The following RBFOX1 variants were observed in gnomAD, a reference collection of about 807,000 sequenced individuals.
The protein encoded by RBFOX1 is RNA binding fox-1 homolog 1.
Under a neutral mutation model 57.7 loss-of-function variants are expected in RBFOX1, and 8 were observed. The observed-to-expected ratio is 0.14, with a 90% confidence interval of 0.08 to 0.25. The LOEUF is 0.25. Among genes scored for constraint, RBFOX1 ranks in the 10% least tolerant of loss-of-function variants. The pLI is 1.00. For synonymous variants in RBFOX1, 326 were observed against 222.4 expected, an observed-to-expected ratio of 1.47 and a Z score of -4.15; for missense variants, 611 against 548.5, an observed-to-expected ratio of 1.11 and a Z score of -1.14.
At chr16:7,671,930 G>A (rs1001465048) in intron 13 of RBFOX1, among the ~76,000 whole-genome samples, 4 of 152,150 alleles carry the variant, frequency 2.6e-5, no homozygotes, top group Non-Finnish European at 5.9e-5. Context: ...TAATTTTTTA[G>A]TTTAAAAGCT....
chr16:6,012,556 C>T (rs1403628269), intron 4 of RBFOX1, among the ~76,000 whole-genome samples: 1 of 152,176 alleles, frequency 6.6e-6, no homozygotes, highest in East Asian at 1.9e-4. Flanking sequence ...GGTTATTTGG[C>T]TCAAAATGTC....
In RBFOX1 at chr16:6,827,984, G is replaced by T. The variant is rs553086968; in HGVS notation, c.-16+173334G>T. Among the ~76,000 whole-genome samples the T allele has an allele frequency of 4.6e-5, 7 of 152,300 alleles. No homozygotes were observed. The South Asian group carries it at 1.2e-3, about 27-fold the overall frequency. On this transcript the variant is annotated intron_variant, in intron 3 of 15. Coordinates refer to ENST00000550418, the MANE Select transcript of RBFOX1 (RefSeq NM_018723.4). The stretch of plus-strand genomic sequence containing the variant: ...CTATGCTCTGTAGGGGACAAATCTT[G>T]TCTGCTTTTTGCTCATCAATTTTTC...
intron 4 of RBFOX1, among the ~76,000 whole-genome samples, chr16:5,922,652 T>G (rs1200473454): frequency 6.6e-6 from 1 of 152,182 alleles, no homozygotes; most frequent in East Asian, 1.9e-4. Flanking sequence ...ATCCCCACCA[T>G]CAGTAACCAC....
chr16:6,906,668 C>T lies in RBFOX1; in HGVS notation c.-15-145389C>T, dbSNP rs554933694. ...TTTCTTCATCTCTGAACTCTTGGGA[C>T]TTAAAAAGAGCCTAGTTCAGAGCAG... is the stretch of plus-strand genomic sequence containing the variant. On this transcript the variant is annotated intron_variant, in intron 3 of 15. Coordinates refer to ENST00000550418, the MANE Select transcript of RBFOX1 (RefSeq NM_018723.4). Among the ~76,000 whole-genome samples the T allele has an allele frequency of 9.2e-5, 14 of 151,444 alleles. No individual in the cohort carries two copies. The South Asian group carries it at 2.9e-3, about 32-fold the overall frequency.
chr16:7,286,005 T>C (rs1027364806), intron 4 of RBFOX1, among the ~76,000 whole-genome samples: 7 of 152,206 alleles, frequency 4.6e-5, no homozygotes, highest in Admixed American at 3.9e-4. Flanking sequence ...GACTGAGTTT[T>C]GTTTGTTTGT....
At position 5,573,398 on chromosome 16, in the gene RBFOX1, G is replaced by T. The variant is rs183651138; in HGVS notation, c.259-25504G>T. ...CCTGCCTATGTCATGATCACTTTTG[G>T]GTGCTTCTTAAAATGCAGATTCCTG... On this transcript the variant is annotated intron_variant, in intron 2 of 2. Transcript: ENST00000585867. Among the ~76,000 whole-genome samples, 5 of 152,258 alleles carry T rather than the reference G, an allele frequency of 3.3e-5. No individual in the cohort carries two copies. The South Asian group carries it at 6.2e-4, about 19-fold the overall frequency.
chr16:6,056,842 C>CTTTTTTTTTTTTTT (rs61605263), intron 1 of RBFOX1: 1 of 148,630 alleles, frequency 6.7e-6, no homozygotes, highest in Admixed American at 6.7e-5. Flanking sequence ...AGACTTAAGA[C>CTTTTTTTTTTTTTT]TTTTTTTTTT....
At chr16:5,613,164 G>T (rs2047885501) in intron 3 of RBFOX1, among the ~76,000 whole-genome samples, 1 of 152,152 alleles carries the variant, frequency 6.6e-6, no homozygotes, top group African/African-American at 2.4e-5. Context: ...AATCACAGGG[G>T]TACCAAGACG....
chr16:6,588,682 C>CA (rs2097666231), intron 2 of RBFOX1, among the ~76,000 whole-genome samples: 2 of 152,112 alleles, frequency 1.3e-5, no homozygotes, highest in Non-Finnish European at 2.9e-5. Flanking sequence ...GCACCTTCCT[C>CA]CCTGCATTTT....
intron 1 of RBFOX1, among the ~76,000 whole-genome samples, chr16:6,085,002 C>T (rs2096063852): frequency 6.6e-6 from 1 of 152,114 alleles, no homozygotes; most frequent in Non-Finnish European, 1.5e-5. Flanking sequence ...TTCCTTTTCC[C>T]CAATCAACTT....
rs113110153 is a variant in RBFOX1 at position 6,802,372 on chromosome 16, T to C, written c.-16+147722T>C. ...TATTTGACATTTCCCTTTTAACAGT[T>C]AATGTTAGAAAGTCCATGTTATGGC... On this transcript the variant is annotated intron_variant, in intron 3 of 15. Transcript: ENST00000550418. Among the ~76,000 whole-genome samples, 739 of 152,284 alleles carry C rather than the reference T, an allele frequency of 4.9e-3. 10 individuals are homozygous for C. Among genetic ancestry groups the C allele is most frequent in the African/African-American group, 0.017 (691 of 41,550 alleles).
chr16:7,352,368 C>G (rs542025902), intron 4 of RBFOX1, among the ~76,000 whole-genome samples: 2 of 152,288 alleles, frequency 1.3e-5, no homozygotes, highest in African/African-American at 4.8e-5. Flanking sequence ...GCTATATATC[C>G]TGTTCTCAGA....
chr16:7,082,221 T>G (rs1206247209), intron 4 of RBFOX1, among the ~76,000 whole-genome samples: 1 of 152,292 alleles, frequency 6.6e-6, no homozygotes, highest in Middle Eastern at 3.4e-3. Context: ...AGGATGAATC[T>G]ACCTTCTCAG....
At chr16:5,249,747 C>T (rs2062398978) in intron 1 of RBFOX1, among the ~76,000 whole-genome samples, 2 of 152,114 alleles carry the variant, frequency 1.3e-5, no homozygotes, top group Admixed American at 1.3e-4. Flanking sequence ...GGTGGGCGGG[C>T]CAGGAATTCG....
chr16:7,639,771 C>T (rs1379763782), intron 11 of RBFOX1, among the ~76,000 whole-genome samples: 1 of 152,082 alleles, frequency 6.6e-6, no homozygotes, highest in Non-Finnish European at 1.5e-5. Flanking sequence ...TAGACAGGTG[C>T]CCTTTGCTAC....
chr16:6,732,720 A>G (rs1050477922), intron 3 of RBFOX1, among the ~76,000 whole-genome samples: 1 of 152,204 alleles, frequency 6.6e-6, no homozygotes, highest in Non-Finnish European at 1.5e-5. Context: ...CATAAGCCTG[A>G]TTTATGCCAT....
chr16:7,372,922 A>G (rs957373327), intron 4 of RBFOX1, among the ~76,000 whole-genome samples: 6 of 145,392 alleles, frequency 4.1e-5, no homozygotes, highest in African/African-American at 7.6e-5. Flanking sequence ...GGAATTTAAA[A>G]ACATAGAAAT....
intron 3 of RBFOX1, among the ~76,000 whole-genome samples, chr16:6,809,304 A>C (rs964344714): frequency 6.6e-6 from 1 of 152,176 alleles, no homozygotes; most frequent in Non-Finnish European, 1.5e-5. Flanking sequence ...ATTTGGCTGA[A>C]GTTTTTCTTT....
chr16:6,471,005 C>T (rs8047986), intron 2 of RBFOX1, among the ~76,000 whole-genome samples: 56,529 of 151,964 alleles, frequency 0.37, 11,456 homozygotes, highest in South Asian at 0.6. Context: ...TCTGCACACA[C>T]GAGGGTAGCC....
Sources: allele counts gnomAD v4.1 joint callset (sites outside exome capture counted in the v4.1 genomes callset), GRCh38; gene constraint gnomAD v4.1.1; transcripts MANE v1.5; gene names NCBI Gene and HGNC (gene_info 2026-07-23, HGNC 2026-07-21).